The following PCDHGB7 variants were observed in gnomAD, a reference collection of about 807,000 sequenced individuals.
PCDHGB7 encodes protocadherin gamma subfamily B, 7, also known as protocadherin gamma-B7.
In PCDHGB7, 37 loss-of-function variants were observed where a neutral mutation model predicts 61.4. That is an observed-to-expected ratio of 0.60 (90% confidence interval 0.46 to 0.79). PCDHGB7 has a LOEUF of 0.79. PCDHGB7 is among the 30% of genes least tolerant of loss of function. The pLI is 0.00. For synonymous variants in PCDHGB7, 464 were observed against 503.5 expected, an observed-to-expected ratio of 0.92 and a Z score of 1.05; for missense variants, 1,166 against 1,202.5, an observed-to-expected ratio of 0.97 and a Z score of 0.45.
intron 1 of PCDHGB7, among the ~76,000 whole-genome samples, chr5:141,444,400 A>G (rs1400847351): frequency 1.3e-5 from 2 of 151,536 alleles, no homozygotes; most frequent in Admixed American, 6.6e-5. Flanking sequence ...TGAACTCCCA[A>G]CCTCAGGTGA....
chr5:141,478,624 T>C (rs1300260980), intron 1 of PCDHGB7: 3 of 1,554,196 alleles, frequency 1.9e-6, no homozygotes, highest in Non-Finnish European at 2.6e-6. Context: ...AATGGAGCTG[T>C]TTTTTTAGTG....
intron 1 of PCDHGB7, among the ~76,000 whole-genome samples, chr5:141,453,049 G>C (rs1287375098): frequency 1.3e-5 from 2 of 152,222 alleles, no homozygotes; most frequent in East Asian, 3.9e-4. Context: ...TCTATTATGT[G>C]CAGTTTTAGA....
intron 3 of PCDHGB7, among the ~76,000 whole-genome samples, chr5:141,508,848 TC>T (rs1390332366): frequency 6.6e-5 from 10 of 151,752 alleles, no homozygotes. Context: ...CCCCTTCCAT[TC>T]CCAGGCTGGG....
chr5:141,475,761 T>C (rs1430719406), intron 1 of PCDHGB7, among the ~76,000 whole-genome samples: 3 of 152,248 alleles, frequency 2.0e-5, no homozygotes, highest in Admixed American at 6.5e-5. Flanking sequence ...GCACCGATAC[T>C]GGCAAGGCGC....
At chr5:141,467,672 A>T (rs1410623274) in intron 1 of PCDHGB7, among the ~76,000 whole-genome samples, 2 of 151,636 alleles carry the variant, frequency 1.3e-5, no homozygotes, top group Non-Finnish European at 2.9e-5. Context: ...GAAGATTTTT[A>T]TTTTTTTTAG....
At position 141,489,590 on chromosome 5, in the gene PCDHGB7, T is replaced by C; in HGVS notation, c.2416-5217T>C. The C allele has an allele frequency of 6.2e-7, 1 of 1,614,044 alleles. No homozygotes were observed. Among genetic ancestry groups the C allele is most frequent in the Non-Finnish European group, 8.5e-7 (1 of 1,179,984 alleles). ...GTGACTGAACACCCCCTGGAGCTAA[T>C]CCGTGTAGAGGTAGAGATCCTGGAT... On this transcript the variant is annotated intron_variant, in intron 1 of 3. Transcript: ENST00000398594. The surrounding 1 kb of genome is among the most constrained non-coding windows in gnomAD (Gnocchi z 4.5).
chr5:141,483,736 G>A (rs1296877404), intron 1 of PCDHGB7, among the ~76,000 whole-genome samples: 1 of 152,110 alleles, frequency 6.6e-6, no homozygotes, highest in Non-Finnish European at 1.5e-5. Flanking sequence ...ATAGTCAAAA[G>A]GATATTCCTG....
chr5:141,421,923 G>T (rs2096611568), intron 1 of PCDHGB7: 1 of 1,613,590 alleles, frequency 6.2e-7, no homozygotes. Flanking sequence ...TTCGTGTGGT[G>T]GTCCTCGATG....
In PCDHGB7 at chr5:141,418,196, C is replaced by G; in HGVS notation, c.337C>G (p.Pro113Ala). The change falls in exon 1 of 4, where the codon CCT becomes GCT. Residue 113 changes from proline (P) to alanine (A), a missense_variant. Coordinates refer to ENST00000398594, the MANE Select transcript of PCDHGB7 (RefSeq NM_018927.4). ...ELQLEAVVENPLNIFHVIVVI... is the reference protein window; with the variant it reads ...ELQLEAVVENALNIFHVIVVI... The stretch of plus-strand genomic sequence containing the variant: ...GCAATTGGAAGCTGTGGTGGAAAAT[C>G]CTTTAAATATTTTTCATGTCATTGT... The G allele has an allele frequency of 6.2e-7, 1 of 1,614,032 alleles. No individual in the cohort carries two copies. Among genetic ancestry groups the G allele is most frequent in the Non-Finnish European group, 8.5e-7 (1 of 1,179,902 alleles).
rs2099883574 is a variant in PCDHGB7, at chr5:141,511,027, C to T, written c.2644C>T (p.Leu882=). The change falls in exon 4 of 4, where the codon CTG becomes TTG. Residue 882 remains leucine (L), a synonymous_variant. Transcript: ENST00000398594. ...CGCCCGCTACGGACCCCAGTTCACCCTGCAGCACGTGCCCGACTACCGCCA... is the reference window on the plus strand; with the variant it reads ...CGCCCGCTACGGACCCCAGTTCACCTTGCAGCACGTGCCCGACTACCGCCA... The part of the protein sequence containing the change: ...LSARYGPQFT[L]QHVPDYRQNV... 2 of 1,614,230 alleles carry T rather than the reference C, an allele frequency of 1.2e-6. No individual in the cohort carries two copies. The highest frequency in any genetic ancestry group is 1.7e-6 in the Non-Finnish European group (2 of 1,180,034).
At chr5:141,420,301 C>CT (rs768732518) in intron 1 of PCDHGB7, 27 bp downstream of exon 1, 1 of 1,462,190 alleles carries the variant, frequency 6.8e-7, no homozygotes, top group African/African-American at 1.4e-5. Flanking sequence ...GTATTTAATC[C>CT]TTTTTATATT....
chr5:141,485,682 A>G lies in PCDHGB7; in HGVS notation c.2416-9125A>G, dbSNP rs779441999. Reference sequence around the variant, plus strand: ...GTGGGGAGCAATTCGATTAGCAGCTATAGGCTGAGCTCCAATGAACACTTT... The same window carrying G: ...GTGGGGAGCAATTCGATTAGCAGCTGTAGGCTGAGCTCCAATGAACACTTT... On this transcript the variant is annotated intron_variant, in intron 1 of 3. Coordinates refer to ENST00000398594, the MANE Select transcript of PCDHGB7 (RefSeq NM_018927.4). This position sits in a 1 kb window ranked among gnomAD's most constrained non-coding sequence, Gnocchi z 5.7. 6.2e-7 allele frequency: 1 copy of G among 1,614,076 alleles called. No homozygotes were observed. Among genetic ancestry groups the G allele is most frequent in the Non-Finnish European group, 8.5e-7 (1 of 1,179,964 alleles).
rs1490162008 is a variant in PCDHGB7, at chr5:141,419,325, A to G, written c.1466A>G (p.Tyr489Cys). ...TTCGGGCTCAACGGCCGTGTCTCCT[A>G]CTCTCTCATTGCCAGCGACCTGGAG... ...PDFGLNGRVS[Y>C]SLIASDLESR... Residue 489 changes from tyrosine to cysteine, a missense_variant, in exon 1 of 4, where the codon TAC (tyrosine) becomes TGC (cysteine). Transcript: ENST00000398594. The G allele has an allele frequency of 6.2e-7, 1 of 1,613,586 alleles. No homozygotes were observed. Among genetic ancestry groups the G allele is most frequent in the Non-Finnish European group, 8.5e-7 (1 of 1,179,848 alleles).
At position 141,477,284 on chromosome 5, in the gene PCDHGB7, G is replaced by A. The variant is rs751714522; in HGVS notation, c.2416-17523G>A. 5.0e-6 allele frequency: 8 copies of A among 1,614,150 alleles called. No homozygotes were observed. The South Asian group carries it at 6.6e-5, about 13-fold the overall frequency. ...TGGCGAGAACGGGCTGGTGACCTGC[G>A]AAGTTCCACCGGGTCTCCCTTTCAG... On this transcript the variant is annotated intron_variant, in intron 1 of 3. Transcript: ENST00000398594. This position sits in a 1 kb window ranked among gnomAD's most constrained non-coding sequence, Gnocchi z 4.9.
At chr5:141,443,317 C>A (rs898636207) in intron 1 of PCDHGB7, among the ~76,000 whole-genome samples, 39 of 142,046 alleles carry the variant, frequency 2.7e-4, no homozygotes, top group Non-Finnish European at 2.5e-4. Context: ...CCCATCTCTA[C>A]AAAAAAAAAA....
At chr5:141,449,101 G>A (rs1020443363) in intron 1 of PCDHGB7, among the ~76,000 whole-genome samples, 2 of 152,144 alleles carry the variant, frequency 1.3e-5, no homozygotes, top group African/African-American at 2.4e-5. Flanking sequence ...TACATATGCA[G>A]TATATCTTTG....
chr5:141,451,908 G>C (rs899191624), intron 1 of PCDHGB7, among the ~76,000 whole-genome samples: 1 of 152,046 alleles, frequency 6.6e-6, no homozygotes, highest in Non-Finnish European at 1.5e-5. Flanking sequence ...AAGGGAGGGA[G>C]GGAGGAAGGA....
intron 1 of PCDHGB7, among the ~76,000 whole-genome samples, chr5:141,462,941 G>A (rs1667222225): frequency 6.6e-6 from 1 of 152,158 alleles, no homozygotes; most frequent in Non-Finnish European, 1.5e-5. Flanking sequence ...TTCAAGGCTT[G>A]TTTTTAAGCT....
At position 141,491,578 on chromosome 5, in the gene PCDHGB7, C is replaced by T. The variant is rs1438933474; in HGVS notation, c.2416-3229C>T. 7.4e-6 allele frequency: 12 copies of T among 1,613,888 alleles called. No homozygotes were observed. The highest frequency in any genetic ancestry group is 1.0e-5 in the Non-Finnish European group (12 of 1,180,044). On this transcript the variant is annotated intron_variant, in intron 1 of 3. Coordinates refer to ENST00000398594, the MANE Select transcript of PCDHGB7 (RefSeq NM_018927.4). This position sits in a 1 kb window ranked among gnomAD's most constrained non-coding sequence, Gnocchi z 6.9. ...CCACTGCTACAGGACGTGCTTTTCA[C>T]CGGCCTCGGACGGCAGTGACTTCAC...
Sources: allele counts gnomAD v4.1 joint callset (sites outside exome capture counted in the v4.1 genomes callset), GRCh38; gene constraint gnomAD v4.1.1; non-coding constraint Gnocchi (gnomAD v3.1); transcripts MANE v1.5; gene names NCBI Gene and HGNC (gene_info 2026-07-23, HGNC 2026-07-21).